Variants in LTN1 observed in about 807,000 individuals in gnomAD.
The protein encoded by LTN1 is E3 ubiquitin-protein ligase listerin.
In LTN1, 88 loss-of-function variants were observed where a neutral mutation model predicts 201.2. That is an observed-to-expected ratio of 0.44 (90% CI 0.37 to 0.52). The LOEUF is 0.52. Among genes scored for constraint, LTN1 ranks in the 20% least tolerant of loss-of-function variants. The pLI is 0.00. For synonymous variants in LTN1, 645 were observed against 713.5 expected, an observed-to-expected ratio of 0.90 and a Z score of 1.53; for missense variants, 1,752 against 2,038.7, an observed-to-expected ratio of 0.86 and a Z score of 2.71.
chr21:28,965,028 G>A (rs2776244), intron 11 of LTN1, among the ~76,000 whole-genome samples: 294 of 152,214 alleles, frequency 1.9e-3, no homozygotes, highest in Non-Finnish European at 3.5e-3. Context: ...ATGGATACAG[G>A]GTTTCAGTTT....
intron 11 of LTN1, among the ~76,000 whole-genome samples, chr21:28,962,264 T>C (rs1249668044): frequency 2.0e-5 from 3 of 152,246 alleles, no homozygotes; most frequent in Non-Finnish European, 4.4e-5. Flanking sequence ...TAATATTTAC[T>C]GGGCTTTGTA....
At position 28,986,241 on chromosome 21, in the gene LTN1, A is replaced by C. The variant is rs749549102; in HGVS notation, c.247-4T>G. 4.6e-6 allele frequency: 7 copies of C among 1,536,170 alleles called. No individual in the cohort carries two copies. Among genetic ancestry groups the C allele is most frequent in the East Asian group, 4.5e-5 (2 of 44,444 alleles). On this transcript the variant is annotated splice_region_variant and splice_polypyrimidine_tract_variant and intron_variant, in intron 2 of 29. Coordinates refer to ENST00000361371, the MANE Select transcript of LTN1 (RefSeq NM_015565.3). This position sits in a 1 kb window ranked among gnomAD's most constrained non-coding sequence, Gnocchi z 4.1. ...TGGTTCCAAATTCCTGCATAGCCTA[A>C]AAGTAAGTTATTAACATCATTAGGA...
At position 28,931,170 on chromosome 21, in the gene LTN1, G is replaced by A; in HGVS notation, c.5223C>T (p.Phe1741=). ...KKACRTCKKK[F]HSACLYKWFT... ...TTAGACTTACCAAGCAGGCTGAATG[G>A]AATTTTTTCTTGCATGTTCTACAGG... Residue 1741 remains phenylalanine, a synonymous_variant, in exon 29 of 30, where the codon TTC becomes TTT. Coordinates refer to ENST00000361371, the MANE Select transcript of LTN1 (RefSeq NM_015565.3). 2.5e-6 allele frequency: 4 copies of A among 1,610,202 alleles called. No individual in the cohort carries two copies. Among genetic ancestry groups the A allele is most frequent in the Middle Eastern group, 1.7e-4 (1 of 6,042 alleles).
At position 28,936,234 on chromosome 21, in the gene LTN1, CCT is replaced by C. The variant is rs566605595; in HGVS notation, c.4654+290_4654+291del. Among the ~76,000 whole-genome samples the C allele has an allele frequency of 1.1e-3, 166 of 152,240 alleles. 3 individuals carry two copies. Among genetic ancestry groups the C allele is most frequent in the Admixed American group, 0.01 (154 of 15,292 alleles). ...TGAAATGTTATTCAACTTTATTTCC[CCT>C]GATTTATATGCCTATAAAATGTTAT... is the stretch of plus-strand genomic sequence containing the variant. On this transcript the variant is annotated intron_variant, in intron 26 of 29. Transcript: ENST00000361371.
intron 11 of LTN1, among the ~76,000 whole-genome samples, chr21:28,961,948 T>C (rs991625633): frequency 6.6e-6 from 1 of 152,076 alleles, no homozygotes. Flanking sequence ...GAGGCAGAAG[T>C]TGCAGTGAGA....
At position 28,984,737 on chromosome 21, in the gene LTN1, G is replaced by C; in HGVS notation, c.531C>G (p.Ser177Arg). 1.2e-6 allele frequency: 2 copies of C among 1,613,944 alleles called. No homozygotes were observed. Among genetic ancestry groups the C allele is most frequent in the Non-Finnish European group, 1.7e-6 (2 of 1,179,958 alleles). ...KDAFEAAFPP[S>R]KQPEAIAFCK... is the part of the protein sequence containing the mutation. ...AAAATGCTATGGCTTCAGGTTGCTT[G>C]CTTGGAGGAAAAGCCGCTTCAAATG... Residue 177 changes from serine to arginine, a missense_variant, in exon 4 of 30, where the codon AGC becomes AGG. Ser to Arg is a moderately radical substitution (Grantham distance 110). Around this residue, in one of 3 missense-constraint regions of LTN1, gnomAD observed 280 missense variants for 375.7 expected, o/e 0.75. Transcript: ENST00000361371.
At chr21:28,956,604 T>C (rs1371589048) in intron 16 of LTN1, among the ~76,000 whole-genome samples, 158 bp downstream of exon 16, 1 of 152,116 alleles carries the variant, frequency 6.6e-6, no homozygotes, top group Non-Finnish European at 1.5e-5. Flanking sequence ...AATTTCACAT[T>C]CACCACTTAA....
At chr21:28,936,362 A>T (rs1027254017) in intron 26 of LTN1, among the ~76,000 whole-genome samples, 164 bp downstream of exon 26, 1 of 152,222 alleles carries the variant, frequency 6.6e-6, no homozygotes, top group African/African-American at 2.4e-5. Flanking sequence ...GGTAAAAACT[A>T]ATTATTCATC....
Position 28,986,664 on chromosome 21 carries a change from T to C in LTN1, c.246+67A>G, listed in dbSNP as rs963345293. 88 of 1,219,976 alleles carry C rather than the reference T, an allele frequency of 7.2e-5. No homozygotes were observed. Among genetic ancestry groups the C allele is most frequent in the Non-Finnish European group, 9.5e-5 (80 of 839,464 alleles). The allele number at this position is 1,219,976 out of a possible 1,614,324, so 75.6% of individuals were successfully genotyped here. On this transcript the variant is annotated intron_variant, in intron 2 of 29. Coordinates refer to ENST00000361371, the MANE Select transcript of LTN1 (RefSeq NM_015565.3). The surrounding 1 kb of genome is among the most constrained non-coding windows in gnomAD (Gnocchi z 4.1). ...TGTTCATTTTTCTTTACATAAAACA[T>C]GCTAATGACATTTTATTTTAACAAA...
intron 16 of LTN1, among the ~76,000 whole-genome samples, chr21:28,956,552 C>T (rs1395493085): frequency 6.6e-6 from 1 of 152,056 alleles, no homozygotes; most frequent in East Asian, 1.9e-4. Flanking sequence ...CCACAGTTAA[C>T]AAGATTATAG....
intron 19 of LTN1, 31 bp from the exon 20 acceptor site, chr21:28,946,318 A>C: frequency 1.4e-6 from 2 of 1,473,048 alleles, no homozygotes; most frequent in South Asian, 2.7e-5. Flanking sequence ...AAAATTAAAA[A>C]TATTTAAGAA....
intron 18 of LTN1, among the ~76,000 whole-genome samples, chr21:28,947,832 T>C (rs1437240459): frequency 6.6e-6 from 1 of 151,496 alleles, no homozygotes; most frequent in African/African-American, 2.4e-5. Flanking sequence ...CATATATAAC[T>C]TTTCCCCATA....
In LTN1 at chr21:28,964,109, C is replaced by A. The variant is rs73342771; in HGVS notation, c.2163+1756G>T. On this transcript the variant is annotated intron_variant, in intron 11 of 29. Coordinates refer to ENST00000361371, the MANE Select transcript of LTN1 (RefSeq NM_015565.3). ...TGACCACAAAGGATTTATAATATTA[C>A]ATAAACTTAGATGATACAGCAGTGG... is the stretch of plus-strand genomic sequence containing the variant. Among the ~76,000 whole-genome samples the A allele has an allele frequency of 8.3e-3, 1,257 of 152,282 alleles. 20 individuals are homozygous for A. Among genetic ancestry groups the A allele is most frequent in the African/African-American group, 0.029 (1,200 of 41,556 alleles).
intron 25 of LTN1, among the ~76,000 whole-genome samples, chr21:28,938,702 C>T (rs1026258731): frequency 1.3e-5 from 2 of 152,078 alleles, no homozygotes; most frequent in African/African-American, 4.8e-5. Flanking sequence ...GATAGATAAA[C>T]AAAATGTGAT....
chr21:28,933,304 C>G (rs1409351007), intron 27 of LTN1, among the ~76,000 whole-genome samples: 1 of 152,188 alleles, frequency 6.6e-6, no homozygotes, highest in African/African-American at 2.4e-5. Flanking sequence ...CCCACTGTTA[C>G]TGCCTCACCC....
In LTN1 at chr21:28,970,714, T is replaced by A; in HGVS notation, c.1013A>T (p.Lys338Met). ...EDCWLHVNAK[K>M]SVFPKLSTVI... Reference sequence around the variant, plus strand: ...AGTTGATAGCTTGGGAAACACACTCTTTTTTGCATTTACATGAAGCCAACA... The same window carrying A: ...AGTTGATAGCTTGGGAAACACACTCATTTTTGCATTTACATGAAGCCAACA... The change falls in exon 8 of 30, where the codon AAG (lysine) becomes ATG (methionine). Residue 338 changes from lysine to methionine, a missense_variant. Transcript: ENST00000361371. 6.2e-7 allele frequency: 1 copy of A among 1,613,692 alleles called. No homozygotes were observed. Among genetic ancestry groups the A allele is most frequent in the Non-Finnish European group, 8.5e-7 (1 of 1,179,770 alleles).
At chr21:28,988,429 T>C (rs1461549282) in intron 1 of LTN1, among the ~76,000 whole-genome samples, 2 of 149,128 alleles carry the variant, frequency 1.3e-5, no homozygotes, top group Non-Finnish European at 3.0e-5. Flanking sequence ...ATTGTGCTAC[T>C]GCACTCCACC....
chr21:28,957,980 G>GT (rs1568843977), intron 14 of LTN1, among the ~76,000 whole-genome samples: 1 of 152,188 alleles, frequency 6.6e-6, no homozygotes, highest in East Asian at 1.9e-4. Flanking sequence ...ACAAAGGATA[G>GT]TATCACCATC....
At chr21:28,957,651 G>A (rs748677349) in intron 14 of LTN1, among the ~76,000 whole-genome samples, 175 bp from the exon 15 acceptor site, 6 of 151,996 alleles carry the variant, frequency 3.9e-5, no homozygotes, top group Non-Finnish European at 8.8e-5. Flanking sequence ...GTCAAACTGG[G>A]GAGGTAATCC....
Sources: gnomAD v4.1 joint callset for allele counts (sites outside exome capture counted in the v4.1 genomes callset) on GRCh38, gnomAD v4.1.1 for gene constraint, gnomAD v4.1.1 regional missense constraint, Gnocchi (gnomAD v3.1) non-coding constraint, MANE v1.5 for transcripts, NCBI Gene and HGNC (gene_info 2026-07-23, HGNC 2026-07-21) for gene names.